Variants in PEPD observed in about 807,000 individuals in gnomAD.
PEPD encodes xaa-Pro dipeptidase.
Under a neutral mutation model 60.7 loss-of-function variants are expected in PEPD, and 53 were observed. The ratio of observed to expected loss-of-function variants is 0.87; its 90% confidence interval spans 0.70 to 1.10. The LOEUF is 1.10. Among genes scored for constraint, PEPD ranks in the 50% least tolerant of loss-of-function variants. The probability of loss-of-function intolerance (pLI) is 0.00; values close to 1 mark genes in which losing one functional copy is unlikely to be tolerated. For synonymous variants in PEPD, 267 were observed against 284.1 expected (o/e 0.94, Z 0.60); for missense variants, 711 against 711.9 (o/e 1.00, Z 0.01).
intron 9 of PEPD, among the ~76,000 whole-genome samples, chr19:33,432,376 C>T (rs1226794192): frequency 6.6e-6 from 1 of 152,230 alleles, no homozygotes; most frequent in Non-Finnish European, 1.5e-5. Context: ...CCTTGCTTGT[C>T]TCCTCTGGCT....
intron 9 of PEPD, among the ~76,000 whole-genome samples, chr19:33,432,057 G>C (rs1969286727): frequency 6.7e-6 from 1 of 149,916 alleles, no homozygotes; most frequent in Admixed American, 6.7e-5. Context: ...AGAGTCATAG[G>C]CTGAAGCTAA....
At chr19:33,411,470 G>C (rs368398956) in intron 11 of PEPD, among the ~76,000 whole-genome samples, 7 of 152,180 alleles carry the variant, frequency 4.6e-5, no homozygotes, top group Non-Finnish European at 8.8e-5. Context: ...GTGCTCCCTG[G>C]GGGGTGCAGG....
At chr19:33,458,327 G>A (rs950957558) in intron 9 of PEPD, among the ~76,000 whole-genome samples, 1 of 151,518 alleles carries the variant, frequency 6.6e-6, no homozygotes, top group Non-Finnish European at 1.5e-5. Context: ...GCGATGTGTG[G>A]TGTGTGTGGT....
intron 12 of PEPD, among the ~76,000 whole-genome samples, chr19:33,399,389 T>G (rs34910385): frequency 0.17 from 26,003 of 152,236 alleles, 2,256 homozygotes; most frequent in Middle Eastern, 0.19. Context: ...GCTTATTGAC[T>G]TTTGGATTTT....
intron 3 of PEPD, among the ~76,000 whole-genome samples, chr19:33,508,001 T>A (rs1243379783): frequency 6.6e-6 from 1 of 151,958 alleles, no homozygotes. Context: ...CTGCCCAGCA[T>A]GTACACAGCC....
At chr19:33,388,289 T>C (rs1022522927) in intron 13 of PEPD, 2 of 693,344 alleles carry the variant, frequency 2.9e-6, no homozygotes, top group African/African-American at 3.5e-5. Context: ...ATCTTGAGTG[T>C]CCCTGGCCAC....
At chr19:33,477,601 G>A (rs1970241981) in intron 7 of PEPD, among the ~76,000 whole-genome samples, 2 of 152,258 alleles carry the variant, frequency 1.3e-5, no homozygotes, top group Non-Finnish European at 2.9e-5. Context: ...TGTGCAGCAG[G>A]TAAGGGCTAA....
chr19:33,393,584 C>G (rs745452617), intron 12 of PEPD, among the ~76,000 whole-genome samples: 1 of 148,176 alleles, frequency 6.7e-6, no homozygotes, highest in South Asian at 2.1e-4. Flanking sequence ...AGGCAGGCCC[C>G]GGGGGGTTGC....
chr19:33,475,868 T>G (rs1358081914), intron 7 of PEPD, among the ~76,000 whole-genome samples: 2 of 152,172 alleles, frequency 1.3e-5, no homozygotes, highest in Non-Finnish European at 2.9e-5. Context: ...ATTTGTTACT[T>G]TATTTTTTTG....
chr19:33,387,204 T>G lies in PEPD; in HGVS notation c.*140A>C. ...GTTTCCTCCCCGGGAAACAGCACTG[T>G]TTGGTCTGATCAAATGCCGAAGCTG... On this transcript the variant is annotated 3_prime_UTR_variant, in exon 15 of 15. Transcript: ENST00000244137. The G allele has an allele frequency of 2.0e-6, 2 of 976,718 alleles. No homozygotes were observed. Among genetic ancestry groups the G allele is most frequent in the Non-Finnish European group, 3.2e-6 (2 of 631,540 alleles). 60.5% of individuals were successfully genotyped at this position (976,718 alleles called of 1,614,324 possible). A position where few individuals can be genotyped will look rare whatever the true frequency, so the allele number is the denominator to read the frequency against.
chr19:33,431,992 C>CAAAAAAAA lies in PEPD; in HGVS notation c.672-18357_672-18350dup, dbSNP rs906879187. 9.6e-4 allele frequency among the ~76,000 whole-genome samples: 75 copies of CAAAAAAAA among 77,850 alleles called. 3 individuals carry two copies. The highest frequency in any genetic ancestry group is 1.5e-3 in the African/African-American group (32 of 21,106). 51.1% of individuals were successfully genotyped at this position (77,850 alleles called of 152,430 possible). The stretch of plus-strand genomic sequence containing the variant: ...TGGGTAACAGAGCAAGACACCACCT[C>CAAAAAAAA]AAAAAAAAAAAAAAAAAAGGGAAGA... On this transcript the variant is annotated intron_variant, in intron 9 of 14. Transcript: ENST00000244137.
At chr19:33,475,440 G>A (rs1970198159) in intron 7 of PEPD, among the ~76,000 whole-genome samples, 1 of 151,814 alleles carries the variant, frequency 6.6e-6, no homozygotes, top group African/African-American at 2.4e-5. Context: ...CTGGGACCCA[G>A]GCTATTAAAA....
At chr19:33,419,708 G>A (rs187951680) in intron 9 of PEPD, among the ~76,000 whole-genome samples, 1 of 152,362 alleles carries the variant, frequency 6.6e-6, no homozygotes. Context: ...GGCAGTGGGT[G>A]ATGCCATGGC....
At chr19:33,478,719 G>A (rs764503151) in intron 6 of PEPD, among the ~76,000 whole-genome samples, 1 of 151,350 alleles carries the variant, frequency 6.6e-6, no homozygotes, top group Non-Finnish European at 1.5e-5. Flanking sequence ...TCCATATCCA[G>A]CAAAGCCATT....
intron 9 of PEPD, among the ~76,000 whole-genome samples, chr19:33,455,093 TG>T (rs1315061974): frequency 1.3e-5 from 2 of 152,152 alleles, no homozygotes; most frequent in Non-Finnish European, 2.9e-5. Flanking sequence ...GTCTCCCAGA[TG>T]GGATCCTGGA....
chr19:33,501,614 T>C (rs1450969161), intron 3 of PEPD, among the ~76,000 whole-genome samples: 1 of 151,674 alleles, frequency 6.6e-6, no homozygotes, highest in African/African-American at 2.4e-5. Context: ...GAGGCGGAGG[T>C]TGCAGGGAGT....
At chr19:33,432,307 C>A (rs1171830458) in intron 9 of PEPD, among the ~76,000 whole-genome samples, 1 of 152,216 alleles carries the variant, frequency 6.6e-6, no homozygotes, top group South Asian at 2.1e-4. Flanking sequence ...TCTGTCTGCA[C>A]ACGGAGGTAT....
intron 9 of PEPD, among the ~76,000 whole-genome samples, chr19:33,435,444 C>T (rs1049053127): frequency 1.1e-4 from 17 of 151,890 alleles, no homozygotes; most frequent in East Asian, 1.9e-4. Context: ...TCCGGCTGCC[C>T]GGGCCCCTCG....
chr19:33,462,253 G>T (rs1216109479), intron 9 of PEPD, among the ~76,000 whole-genome samples: 1 of 152,232 alleles, frequency 6.6e-6, no homozygotes, highest in African/African-American at 2.4e-5. Context: ...GGAAAGGAAA[G>T]CCCAGAGTGA....
Sources: gnomAD v4.1 joint callset for allele counts (sites outside exome capture counted in the v4.1 genomes callset) on GRCh38, gnomAD v4.1.1 for gene constraint, MANE v1.5 for transcripts, NCBI Gene and HGNC (gene_info 2026-07-23, HGNC 2026-07-21) for gene names.